Variants in VPS13D observed in about 807,000 individuals in gnomAD.
The protein encoded by VPS13D is vacuolar protein sorting 13 homolog D, also known as intermembrane lipid transfer protein VPS13D.
A neutral mutation model predicts 461.9 loss-of-function variants in VPS13D; 187 were observed. The ratio of observed to expected loss-of-function variants is 0.40; its 90% CI spans 0.36 to 0.46. The LOEUF (loss-of-function observed/expected upper bound fraction) is 0.46. Ranked by LOEUF, VPS13D falls within the 20% of genes least tolerant of loss-of-function variation. The probability of loss-of-function intolerance (pLI) is 0.60; values close to 1 mark genes in which losing one functional copy is unlikely to be tolerated. For synonymous variants in VPS13D, 1,951 were observed against 1,986.3 expected (o/e 0.98, Z 0.47); for missense variants, 4,711 against 5,364.9 (o/e 0.88, Z 3.81).
intron 1 of VPS13D, among the ~76,000 whole-genome samples, chr1:12,230,748 G>C (rs1639939653): frequency 6.6e-6 from 1 of 151,912 alleles, no homozygotes; most frequent in South Asian, 2.1e-4. Context: ...TGGGATGCCA[G>C]ACATCAGGCC....
chr1:12,497,916 G>C (rs1314926548), intron 68 of VPS13D, among the ~76,000 whole-genome samples: 1 of 152,190 alleles, frequency 6.6e-6, no homozygotes, highest in Non-Finnish European at 1.5e-5. Flanking sequence ...AGAAGATCAT[G>C]AATAAAATGT....
At chr1:12,266,426 G>T (rs537055330) in intron 13 of VPS13D, among the ~76,000 whole-genome samples, 1 of 152,194 alleles carries the variant, frequency 6.6e-6, no homozygotes, top group African/African-American at 2.4e-5. Context: ...CAGCAACCAC[G>T]CCTTGATCAG....
intron 29 of VPS13D, among the ~76,000 whole-genome samples, chr1:12,312,755 C>T (rs12070180): frequency 3.4e-3 from 515 of 152,140 alleles, no homozygotes; most frequent in African/African-American, 0.011. Context: ...GAAACCTGGT[C>T]CCTCCCGCCC....
intron 65 of VPS13D, among the ~76,000 whole-genome samples, chr1:12,417,388 G>T (rs1415756576): frequency 6.6e-6 from 1 of 152,144 alleles, no homozygotes; most frequent in Non-Finnish European, 1.5e-5. Flanking sequence ...GTATTTTCTG[G>T]CAGGAATTGA....
At chr1:12,444,060 G>A (rs942005123) in intron 65 of VPS13D, among the ~76,000 whole-genome samples, 1 of 152,106 alleles carries the variant, frequency 6.6e-6, no homozygotes, top group Admixed American at 6.6e-5. Flanking sequence ...GGCCAGGCTG[G>A]TCTTGAACTC....
In VPS13D at chr1:12,276,219, C is replaced by T; in HGVS notation, c.2631C>T (p.Gly877=). 6.2e-7 allele frequency: 1 copy of T among 1,613,988 alleles called. No individual in the cohort carries two copies. Among genetic ancestry groups the T allele is most frequent in the Non-Finnish European group, 8.5e-7 (1 of 1,179,996 alleles). ...AATATCCAGGAGCCGTGCTCTCAGG[C>T]AACTTACCAGACTTAAAAATCCACA... is the stretch of plus-strand genomic sequence containing the variant. ...DPKYPGAVLS[G]NLPDLKIHIN... The change falls in exon 19 of 70, where the codon GGC becomes GGT. Residue 877 remains glycine (G), a synonymous_variant. Transcript: ENST00000620676. This position sits in a 1 kb window ranked among gnomAD's most constrained non-coding sequence, Gnocchi z 4.5.
At chr1:12,480,723 A>G (rs537868976) in intron 67 of VPS13D, among the ~76,000 whole-genome samples, 11 of 152,350 alleles carry the variant, frequency 7.2e-5, no homozygotes, top group Admixed American at 2.0e-4. Context: ...TAAAAATGCC[A>G]TGAGGTAGCC....
chr1:12,325,826 A>T (rs1191900946), intron 35 of VPS13D, among the ~76,000 whole-genome samples: 1 of 152,100 alleles, frequency 6.6e-6, no homozygotes, highest in African/African-American at 2.4e-5. Flanking sequence ...TTTACTTGTT[A>T]TTCAATATTA....
intron 57 of VPS13D, among the ~76,000 whole-genome samples, chr1:12,381,431 C>T (rs974419761): frequency 5.9e-5 from 9 of 152,186 alleles, no homozygotes; most frequent in Non-Finnish European, 1.2e-4. Flanking sequence ...CCTGTAGACT[C>T]GATTTACTTG....
intron 67 of VPS13D, among the ~76,000 whole-genome samples, chr1:12,462,462 G>A (rs1381111963): frequency 2.0e-5 from 3 of 152,218 alleles, no homozygotes; most frequent in Non-Finnish European, 2.9e-5. Flanking sequence ...GTGCCTCCAC[G>A]TGTGGAATCC....
intron 61 of VPS13D, among the ~76,000 whole-genome samples, chr1:12,401,289 T>C (rs1045895795): frequency 3.3e-5 from 5 of 152,154 alleles, no homozygotes; most frequent in African/African-American, 1.2e-4. Context: ...ATGCTGCTCC[T>C]TAAATTAGCT....
intron 67 of VPS13D, among the ~76,000 whole-genome samples, chr1:12,484,003 A>T (rs569291012): frequency 7.4e-4 from 113 of 152,270 alleles, no homozygotes; most frequent in Non-Finnish European, 1.1e-3. Context: ...TCTCAAAAAA[A>T]AAAAAATAAA....
chr1:12,478,387 G>C (rs2100474359), intron 67 of VPS13D, among the ~76,000 whole-genome samples: 1 of 152,360 alleles, frequency 6.6e-6, no homozygotes, highest in Non-Finnish European at 1.5e-5. Context: ...GAGGTTCTGT[G>C]TCCCATTGAT....
At chr1:12,408,594 G>A (rs1347225759) in intron 63 of VPS13D, among the ~76,000 whole-genome samples, 2 of 152,096 alleles carry the variant, frequency 1.3e-5, no homozygotes, top group Non-Finnish European at 2.9e-5. Context: ...CAAACTCCTG[G>A]GCTCAAGTTA....
At chr1:12,339,090 A>G (rs1424761636) in intron 40 of VPS13D, among the ~76,000 whole-genome samples, 1 of 150,900 alleles carries the variant, frequency 6.6e-6, no homozygotes, top group African/African-American at 2.4e-5. Flanking sequence ...CTCAGGGTAC[A>G]TTGCCCTGGG....
In VPS13D at chr1:12,275,807, TC is replaced by T; in HGVS notation, c.2237-17del. The stretch of plus-strand genomic sequence containing the variant: ...AAATAGCAGACATATATTTGAATCT[TC>T]TTTTTTTTATCTTCAGATAACTCCA... On this transcript the variant is annotated splice_polypyrimidine_tract_variant and intron_variant, in intron 18 of 69. Transcript: ENST00000620676. 6.5e-7 allele frequency: 1 copy of T among 1,545,122 alleles called. No homozygotes were observed. The highest frequency in any genetic ancestry group is 8.7e-7 in the Non-Finnish European group (1 of 1,148,716).
In VPS13D at chr1:12,268,956, T is replaced by G. The variant is rs534111883; in HGVS notation, c.1972+80T>G. On this transcript the variant is annotated intron_variant, in intron 16 of 69. Transcript: ENST00000620676. ...TTATTTCTGGTGTTCTGGACAAGGG[T>G]TATTCAGATGCTCTGATAGTGACAA... 4.7e-6 allele frequency: 7 copies of G among 1,498,364 alleles called. No homozygotes were observed. The African/African-American group carries it at 9.8e-5, about 21-fold the overall frequency. The allele number at this position is 1,498,364 out of a possible 1,614,324, so 92.8% of individuals were successfully genotyped here. A position where few individuals can be genotyped will look rare whatever the true frequency, so the allele number is the denominator to read the frequency against.
intron 41 of VPS13D, among the ~76,000 whole-genome samples, chr1:12,342,305 T>C (rs902275958): frequency 6.6e-6 from 1 of 152,224 alleles, no homozygotes; most frequent in Non-Finnish European, 1.5e-5. Flanking sequence ...AAGAATTCTT[T>C]CATACCTAAA....
intron 10 of VPS13D, 68 bp from the exon 11 acceptor site, chr1:12,260,625 G>T (rs1358406348): frequency 7.7e-7 from 1 of 1,303,682 alleles, no homozygotes; most frequent in South Asian, 1.2e-5. Flanking sequence ...GCTTGTGAGG[G>T]TGTCCAGTGT....
Sources: gnomAD v4.1 joint callset for allele counts (sites outside exome capture counted in the v4.1 genomes callset) on GRCh38, gnomAD v4.1.1 for gene constraint, Gnocchi (gnomAD v3.1) non-coding constraint, MANE v1.5 for transcripts, NCBI Gene and HGNC (gene_info 2026-07-23, HGNC 2026-07-21) for gene names.